TMEM132D: variants seen among roughly 807,000 people sequenced by gnomAD.
TMEM132D encodes transmembrane protein 132D.
A neutral mutation model predicts 62.3 loss-of-function variants in TMEM132D; 21 were observed. The ratio of observed to expected loss-of-function variants is 0.34; its 90% confidence interval spans 0.24 to 0.49. The LOEUF (loss-of-function observed/expected upper bound fraction) is 0.49, where lower values mean the gene tolerates loss of function less well. TMEM132D is among the 20% of genes least tolerant of loss of function. TMEM132D has a pLI of 0.99. For missense variants in TMEM132D, 1,346 were observed against 1,402.8 expected (o/e 0.96, Z 0.65); for synonymous variants, 621 against 575.6 (o/e 1.08, Z -1.13).
Position 129,700,487 on chromosome 12 carries a change from G to A in TMEM132D, c.291C>T (p.Tyr97=), listed in dbSNP as rs760324975. The A allele has an allele frequency of 1.2e-6, 2 of 1,614,022 alleles. No individual in the cohort carries two copies. Among genetic ancestry groups the A allele is most frequent in the African/African-American group, 1.3e-5 (1 of 74,912 alleles). ...SRRLPVLNAS[Y]GPFSIEQVVP... Reference sequence around the variant, plus strand: ...CCACTTGCTCGATGGAGAAAGGCCCGTAGCTGGCATTGAGGACAGGCAGCC... The same window carrying A: ...CCACTTGCTCGATGGAGAAAGGCCCATAGCTGGCATTGAGGACAGGCAGCC... The change falls in exon 2 of 9, where the codon TAC becomes TAT. Residue 97 remains tyrosine (Y), a synonymous_variant. Coordinates refer to ENST00000422113, the MANE Select transcript of TMEM132D (RefSeq NM_133448.3).
intron 3 of TMEM132D, among the ~76,000 whole-genome samples, chr12:129,344,675 G>T (rs1869622056): frequency 6.6e-6 from 1 of 152,132 alleles, no homozygotes; most frequent in Non-Finnish European, 1.5e-5. Flanking sequence ...CGCAGGCTCT[G>T]CTCTTCATAT....
intron 1 of TMEM132D, among the ~76,000 whole-genome samples, chr12:129,821,478 G>C (rs1872540033): frequency 6.6e-6 from 1 of 152,190 alleles, no homozygotes; most frequent in Admixed American, 6.5e-5. Flanking sequence ...CCAGAAGTCA[G>C]TCTGCCAGCC....
chr12:129,675,826 C>T (rs1010497000), intron 2 of TMEM132D, among the ~76,000 whole-genome samples: 10 of 152,264 alleles, frequency 6.6e-5, no homozygotes, highest in Admixed American at 2.0e-4. Flanking sequence ...TCAGTGGTGC[C>T]GAGGTTGAGA....
At chr12:129,700,775 C>G (rs2137228279) in intron 1 of TMEM132D, 77 bp from the exon 2 acceptor site, 1 of 1,479,700 alleles carries the variant, frequency 6.8e-7, no homozygotes. Flanking sequence ...TCTGCGTGCC[C>G]CCTTCATAAC....
intron 5 of TMEM132D, among the ~76,000 whole-genome samples, chr12:129,145,026 A>G (rs998968644): frequency 3.9e-5 from 6 of 151,934 alleles, no homozygotes; most frequent in Non-Finnish European, 8.8e-5. Context: ...ACATATTTAT[A>G]TATATGTACA....
intron 2 of TMEM132D, among the ~76,000 whole-genome samples, chr12:129,588,931 C>T (rs1003602260): frequency 6.6e-6 from 1 of 152,014 alleles, no homozygotes; most frequent in Admixed American, 6.6e-5. Context: ...ATCAGAATGC[C>T]TTCCTTCAGC....
intron 3 of TMEM132D, among the ~76,000 whole-genome samples, chr12:129,405,427 G>A (rs1871752489): frequency 6.6e-6 from 1 of 152,160 alleles, no homozygotes; most frequent in African/African-American, 2.4e-5. Flanking sequence ...ATCTTGGGGA[G>A]ACACAAACAT....
chr12:129,571,653 C>T (rs781435814), intron 2 of TMEM132D, among the ~76,000 whole-genome samples: 44 of 152,030 alleles, frequency 2.9e-4, no homozygotes, highest in Non-Finnish European at 6.0e-4. Context: ...GCAGAAGTGG[C>T]TTGCATGTGC....
At chr12:129,168,678 G>C (rs1384201889) in intron 5 of TMEM132D, among the ~76,000 whole-genome samples, 2 of 152,196 alleles carry the variant, frequency 1.3e-5, no homozygotes, top group Non-Finnish European at 2.9e-5. Context: ...ATAATTCTAT[G>C]TTTCGTGGGG....
intron 3 of TMEM132D, among the ~76,000 whole-genome samples, chr12:129,492,432 A>G (rs764440662): frequency 2.0e-5 from 3 of 152,226 alleles, no homozygotes; most frequent in Non-Finnish European, 4.4e-5. Flanking sequence ...TATAGTAGAG[A>G]ACATCTCATT....
At chr12:129,230,729 T>A (rs1468603728) in intron 4 of TMEM132D, among the ~76,000 whole-genome samples, 1 of 152,228 alleles carries the variant, frequency 6.6e-6, no homozygotes, top group Non-Finnish European at 1.5e-5. Context: ...CTAGCTGATG[T>A]CTCCACTGGG....
At chr12:129,580,719 ATAAG>A (rs1877826389) in intron 2 of TMEM132D, among the ~76,000 whole-genome samples, 2 of 114,530 alleles carry the variant, frequency 1.7e-5, no homozygotes, top group Non-Finnish European at 3.5e-5. Flanking sequence ...AAATAAATAA[ATAAG>A]TAAATAAAAA....
intron 1 of TMEM132D, among the ~76,000 whole-genome samples, chr12:129,752,263 A>C (rs575032154): frequency 6.6e-6 from 1 of 152,194 alleles, no homozygotes; most frequent in Non-Finnish European, 1.5e-5. Context: ...CCCTCAATGC[A>C]TGTATAGCAT....
At chr12:129,321,127 C>G (rs1868691609) in intron 4 of TMEM132D, among the ~76,000 whole-genome samples, 1 of 151,976 alleles carries the variant, frequency 6.6e-6, no homozygotes, top group Non-Finnish European at 1.5e-5. Context: ...CATGGGTTTC[C>G]CTAAGAGGTA....
rs367751855 is a variant in TMEM132D, at chr12:129,712,326, A to G, written c.80-11628T>C. Among the ~76,000 whole-genome samples the G allele has an allele frequency of 5.3e-5, 8 of 152,250 alleles. No individual in the cohort carries two copies. In the East Asian group the frequency reaches 1.5e-3, roughly 29 times the overall value. ...TTTTTAGTAGAAACGGGGTTTCACC[A>G]TGTTAGCCAGGATGGTCTCGATCTC... On this transcript the variant is annotated intron_variant, in intron 1 of 8. Transcript: ENST00000422113.
intron 4 of TMEM132D, among the ~76,000 whole-genome samples, chr12:129,284,331 C>A (rs1881236040): frequency 6.6e-6 from 1 of 152,228 alleles, no homozygotes; most frequent in African/African-American, 2.4e-5. Context: ...AACAGAAAAC[C>A]ACTCAGTTTG....
intron 3 of TMEM132D, among the ~76,000 whole-genome samples, chr12:129,528,281 T>G (rs1445726589): frequency 6.6e-6 from 1 of 152,194 alleles, no homozygotes; most frequent in African/African-American, 2.4e-5. Flanking sequence ...CGGAGCATGA[T>G]TTCTCTTTGT....
chr12:129,147,794 T>C (rs573671072), intron 5 of TMEM132D, among the ~76,000 whole-genome samples: 25 of 152,364 alleles, frequency 1.6e-4, no homozygotes, highest in Admixed American at 1.4e-3. Context: ...TTATTTTTTC[T>C]TGTAAGCAGC....
intron 1 of TMEM132D, among the ~76,000 whole-genome samples, chr12:129,887,429 T>C (rs1384935943): frequency 6.6e-6 from 1 of 152,162 alleles, no homozygotes; most frequent in African/African-American, 2.4e-5. Flanking sequence ...ACACTTGACA[T>C]TGTCTGCCAA....
Sources: allele counts gnomAD v4.1 joint callset (sites outside exome capture counted in the v4.1 genomes callset), GRCh38; gene constraint gnomAD v4.1.1; transcripts MANE v1.5; gene names NCBI Gene and HGNC (gene_info 2026-07-23, HGNC 2026-07-21).